ALG1: variants seen among roughly 807,000 people sequenced by gnomAD.
The protein encoded by ALG1 is ALG1 chitobiosyldiphosphodolichol beta-mannosyltransferase.
A neutral mutation model predicts 55.1 loss-of-function variants in ALG1; 58 were observed. The ratio of observed to expected loss-of-function variants is 1.05; its 90% CI spans 0.85 to 1.31. The LOEUF (loss-of-function observed/expected upper bound fraction) is 1.31. Among genes scored for constraint, ALG1 ranks in the 50% most tolerant of loss-of-function variants. The probability of loss-of-function intolerance (pLI) is 0.00; values close to 1 mark genes in which losing one functional copy is unlikely to be tolerated. For missense variants in ALG1, 761 were observed against 598.6 expected (o/e 1.27, Z -2.83); for synonymous variants, 309 against 247.0 (o/e 1.25, Z -2.35).
intron 1 of ALG1, among the ~76,000 whole-genome samples, chr16:5,072,568 G>A (rs1355729176): frequency 6.6e-6 from 1 of 152,184 alleles, no homozygotes; most frequent in African/African-American, 2.4e-5. Context: ...GAAGAAGTGG[G>A]AACAGCACTA....
Position 5,084,905 on chromosome 16 carries a change from C to G in ALG1, c.*24C>G, listed in dbSNP as rs778601761. ...AACTCCTGGGCCAGAGGCTAAAACC[C>G]CAGGACCCCTGCTGTCCTTCCCGCA... On this transcript the variant is annotated 3_prime_UTR_variant, in exon 13 of 13. Coordinates refer to ENST00000262374, the MANE Select transcript of ALG1 (RefSeq NM_019109.5). 2.9e-5 allele frequency: 47 copies of G among 1,596,262 alleles called. No individual in the cohort carries two copies. Among genetic ancestry groups the G allele is most frequent in the Non-Finnish European group, 3.6e-5 (42 of 1,179,760 alleles).
chr16:5,086,710 C>T lies in ALG1; in HGVS notation c.*1829C>T, dbSNP rs968526335. 5.3e-5 allele frequency: 8 copies of T among 150,548 alleles called. No individual in the cohort carries two copies. The highest frequency in any genetic ancestry group is 8.9e-5 in the Non-Finnish European group (6 of 67,658). The allele number at this position is 150,548 out of a possible 1,614,324, so 9.3% of individuals were successfully genotyped here. ...TTTTTAGACGAAGTTTTACTCTGTT[C>T]CCCAGGCTGGAGTGCAGTGGCACAA... is the stretch of plus-strand genomic sequence containing the variant. On this transcript the variant is annotated 3_prime_UTR_variant, in exon 13 of 13. Transcript: ENST00000262374.
intron 10 of ALG1, among the ~76,000 whole-genome samples, chr16:5,082,096 C>T (rs538778991): frequency 4.6e-5 from 7 of 151,886 alleles, no homozygotes; most frequent in African/African-American, 9.7e-5. Flanking sequence ...GCGCCTGCCA[C>T]GATGCTTGGC....
chr16:5,087,319 T>A lies in ALG1; in HGVS notation c.*2438T>A, dbSNP rs1303816233. The A allele has an allele frequency of 6.6e-6, 1 of 152,220 alleles. No homozygotes were observed. The highest frequency in any genetic ancestry group is 1.5e-5 in the Non-Finnish European group (1 of 68,038). 9.4% of individuals were successfully genotyped at this position (152,220 alleles called of 1,614,324 possible). ...GACTGCTATATGTATATTCTAGGTT[T>A]TCCCCTATAGGTATACTTATGTGAA... On this transcript the variant is annotated 3_prime_UTR_variant, in exon 13 of 13. Transcript: ENST00000262374.
At chr16:5,075,743 A>C (rs1451392372) in intron 4 of ALG1, among the ~76,000 whole-genome samples, 1 of 152,154 alleles carries the variant, frequency 6.6e-6, no homozygotes, top group Non-Finnish European at 1.5e-5. Flanking sequence ...ATGAAATGGA[A>C]GTGTCTGTGG....
At position 5,073,169 on chromosome 16, in the gene ALG1, C is replaced by G. The variant is rs1286200845; in HGVS notation, c.303C>G (p.Phe101Leu). 7 of 1,614,060 alleles carry G rather than the reference C, an allele frequency of 4.3e-6. No homozygotes were observed. Among genetic ancestry groups the G allele is most frequent in the Admixed American group, 1.7e-5 (1 of 59,996 alleles). The change falls in exon 3 of 13, where the codon TTC becomes TTG. Residue 101 changes from phenylalanine (F) to leucine (L), a missense_variant. By Grantham distance (22) the Phe-to-Leu change is conservative. Coordinates refer to ENST00000262374, the MANE Select transcript of ALG1 (RefSeq NM_019109.5). ...LQSLAVGPRVFQYGVKVVLQA... is the reference protein window; with the variant it reads ...LQSLAVGPRVLQYGVKVVLQA... ...GACTTGCAGTTGGGCCCCGAGTTTT[C>G]CAGTACGGAGTCAAAGTTGTACTTC... is the stretch of plus-strand genomic sequence containing the variant.
intron 12 of ALG1, 65 bp from the exon 13 acceptor site, chr16:5,084,685 G>T: frequency 6.3e-7 from 1 of 1,595,604 alleles, no homozygotes; most frequent in South Asian, 1.1e-5. Flanking sequence ...GGGTCAGCCA[G>T]GTGGTGACCT....
At chr16:5,076,412 T>A (rs967080607) in intron 4 of ALG1, among the ~76,000 whole-genome samples, 3 of 152,232 alleles carry the variant, frequency 2.0e-5, no homozygotes, top group Admixed American at 2.0e-4. Flanking sequence ...TTTTTGTATT[T>A]TACCCTGTTC....
In ALG1 at chr16:5,079,661, C is replaced by T. The variant is rs977770428; in HGVS notation, c.902-87C>T. 13 of 1,471,606 alleles carry T rather than the reference C, an allele frequency of 8.8e-6. No individual in the cohort carries two copies. The Admixed American group carries it at 2.2e-4, about 25-fold the overall frequency. The allele number at this position is 1,471,606 out of a possible 1,614,324, so 91.2% of individuals were successfully genotyped here. On this transcript the variant is annotated intron_variant, in intron 8 of 12. Coordinates refer to ENST00000262374, the MANE Select transcript of ALG1 (RefSeq NM_019109.5). ...CTGAGATCGCGCCATTGCATTCCAGCCTGGGTGACAGAGTGAGAGTCTGTC... is the reference window on the plus strand; with the variant it reads ...CTGAGATCGCGCCATTGCATTCCAGTCTGGGTGACAGAGTGAGAGTCTGTC...
rs989128586 is a variant in ALG1, at chr16:5,085,973, G to A, written c.*1092G>A. Among the ~76,000 whole-genome samples the A allele has an allele frequency of 6.6e-6, 1 of 152,200 alleles. No individual in the cohort carries two copies. Among genetic ancestry groups the A allele is most frequent in the Admixed American group, 6.6e-5 (1 of 15,264 alleles). ...CCGTGCCGCTGTCCACTCTCTGCCTGTGTCTGCCCCAGCACTTGGCACAGC... is the reference window on the plus strand; with the variant it reads ...CCGTGCCGCTGTCCACTCTCTGCCTATGTCTGCCCCAGCACTTGGCACAGC... On this transcript the variant is annotated 3_prime_UTR_variant, in exon 13 of 13. Coordinates refer to ENST00000262374, the MANE Select transcript of ALG1 (RefSeq NM_019109.5).
At chr16:5,076,126 G>A (rs2142708855) in intron 4 of ALG1, among the ~76,000 whole-genome samples, 1 of 152,352 alleles carries the variant, frequency 6.6e-6, no homozygotes, top group South Asian at 2.1e-4. Context: ...GCAGTGGGAC[G>A]TGGAGCTGGG....
At chr16:5,076,139 G>C (rs976422823) in intron 4 of ALG1, among the ~76,000 whole-genome samples, 11 of 152,226 alleles carry the variant, frequency 7.2e-5, no homozygotes, top group African/African-American at 1.9e-4. Flanking sequence ...GAGCTGGGAA[G>C]GTCATCTGCT....
intron 3 of ALG1, 57 bp from the exon 4 acceptor site, chr16:5,075,331 G>T: frequency 6.4e-7 from 1 of 1,573,278 alleles, no homozygotes. Context: ...ATTTTTACTG[G>T]GTTTATTGCC....
chr16:5,073,926 G>A (rs1253026773), intron 3 of ALG1, among the ~76,000 whole-genome samples: 1 of 152,102 alleles, frequency 6.6e-6, no homozygotes, highest in African/African-American at 2.4e-5. Context: ...TGTTGGCCAG[G>A]CTGTTCTCGA....
chr16:5,082,372 C>G (rs1230445063), intron 10 of ALG1, among the ~76,000 whole-genome samples, 187 bp from the exon 11 acceptor site: 3 of 152,228 alleles, frequency 2.0e-5, no homozygotes, highest in South Asian at 2.1e-4. Flanking sequence ...AAAGTGTCAA[C>G]TTACATTTTC....
At chr16:5,076,918 C>T (rs1419149926) in intron 4 of ALG1, among the ~76,000 whole-genome samples, 1 of 151,264 alleles carries the variant, frequency 6.6e-6, no homozygotes, top group Non-Finnish European at 1.5e-5. Context: ...CCTCAGCCTC[C>T]TGAGTAGCTG....
intron 3 of ALG1, among the ~76,000 whole-genome samples, chr16:5,074,765 C>T (rs1354197904): frequency 6.6e-6 from 1 of 152,214 alleles, no homozygotes; most frequent in Admixed American, 6.5e-5. Context: ...CCCATGCTTA[C>T]CATCACCAGC....
chr16:5,078,423 G>T, intron 6 of ALG1: 1 of 599,030 alleles, frequency 1.7e-6, no homozygotes, highest in South Asian at 1.5e-5. Context: ...CCTTTGTGCA[G>T]GTCTACGCAC....
chr16:5,076,170 A>C (rs777456710), intron 4 of ALG1, among the ~76,000 whole-genome samples: 14 of 152,272 alleles, frequency 9.2e-5, no homozygotes, highest in Admixed American at 1.3e-4. Context: ...CCCAACTATA[A>C]CATCTCTGTT....
Sources: allele counts gnomAD v4.1 joint callset (sites outside exome capture counted in the v4.1 genomes callset), GRCh38; gene constraint gnomAD v4.1.1; transcripts MANE v1.5; gene names NCBI Gene and HGNC (gene_info 2026-07-23, HGNC 2026-07-21).